KCNH1: variants seen among roughly 807,000 people sequenced by gnomAD.
KCNH1 encodes potassium voltage-gated channel subfamily H member 1.
Under a neutral mutation model 69.2 loss-of-function variants are expected in KCNH1, and 27 were observed. That is an observed-to-expected ratio of 0.39 (90% CI 0.29 to 0.54). The LOEUF (loss-of-function observed/expected upper bound fraction) is 0.54. Among genes scored for constraint, KCNH1 ranks in the 20% least tolerant of loss-of-function variants. The pLI is 0.68. For synonymous variants in KCNH1, 456 were observed against 487.7 expected, an observed-to-expected ratio of 0.93 and a Z score of 0.86; for missense variants, 798 against 1,261.6, an observed-to-expected ratio of 0.63 and a Z score of 5.57.
intron 6 of KCNH1, among the ~76,000 whole-genome samples, chr1:210,997,082 G>A (rs909017566): frequency 2.6e-5 from 4 of 152,164 alleles, no homozygotes; most frequent in Admixed American, 2.6e-4. Context: ...CAGAAAAACT[G>A]GAAACTCTAA....
intron 7 of KCNH1, among the ~76,000 whole-genome samples, chr1:210,884,448 T>C (rs1686561057): frequency 6.6e-6 from 1 of 152,210 alleles, no homozygotes; most frequent in Non-Finnish European, 1.5e-5. Context: ...TTCAGCTCTA[T>C]TTTATAGAGG....
chr1:211,052,628 T>G (rs74156880), intron 5 of KCNH1, among the ~76,000 whole-genome samples: 6 of 152,210 alleles, frequency 3.9e-5, no homozygotes, highest in Admixed American at 3.9e-4. Context: ...ATTTTAGAGA[T>G]TGGCAAACAA....
Position 211,107,203 on chromosome 1 carries a change from C to T in KCNH1, c.203+51G>A, listed in dbSNP as rs777050826. On this transcript the variant is annotated intron_variant, in intron 2 of 10. Coordinates refer to ENST00000271751, the MANE Select transcript of KCNH1 (RefSeq NM_172362.3). ...AATGCAGTAAACCATTTTCTTTTTC[C>T]AAAAGATACCATAATAGATTGTTCA... is the stretch of plus-strand genomic sequence containing the variant. 1.1e-5 allele frequency: 18 copies of T among 1,598,396 alleles called. No individual in the cohort carries two copies. In the Admixed American group the frequency reaches 3.1e-4, roughly 28 times the overall value.
intron 9 of KCNH1, among the ~76,000 whole-genome samples, chr1:210,781,837 T>C (rs1383812342): frequency 1.3e-5 from 2 of 152,236 alleles, no homozygotes; most frequent in African/African-American, 4.8e-5. Context: ...GTTTCGGGGC[T>C]AGACAAGCTG....
intron 6 of KCNH1, among the ~76,000 whole-genome samples, chr1:210,951,515 G>C (rs1558538126): frequency 6.6e-6 from 1 of 152,158 alleles, no homozygotes; most frequent in Non-Finnish European, 1.5e-5. Flanking sequence ...TCTGCTGGCA[G>C]TTTGTCGGTT....
chr1:210,964,800 A>G (rs1022689446), intron 6 of KCNH1, among the ~76,000 whole-genome samples: 10 of 152,182 alleles, frequency 6.6e-5, no homozygotes, highest in Non-Finnish European at 2.9e-5. Context: ...CACAACAAAA[A>G]AAGAAAATTT....
In KCNH1 at chr1:210,760,431, C is replaced by T. The variant is rs144528450; in HGVS notation, c.2112+14917G>A. Among the ~76,000 whole-genome samples, 505 of 152,238 alleles carry T rather than the reference C, an allele frequency of 3.3e-3. 10 individuals are homozygous for T. The East Asian group carries it at 0.07, about 21-fold the overall frequency. On this transcript the variant is annotated intron_variant, in intron 10 of 10. Coordinates refer to ENST00000271751, the MANE Select transcript of KCNH1 (RefSeq NM_172362.3). ...ATAAGCCAGCCAAGAATTTCATTTC[C>T]TTCCAAAGAAAGCTTCATAAACAAA...
chr1:211,079,659 C>T (rs1244406916), intron 5 of KCNH1, among the ~76,000 whole-genome samples: 1 of 152,172 alleles, frequency 6.6e-6, no homozygotes, highest in African/African-American at 2.4e-5. Context: ...AAGGCTGGTT[C>T]AACATATGCA....
In KCNH1 at chr1:210,718,632, A is replaced by C. The variant is rs886730021; in HGVS notation, c.2113-34494T>G. ...AAATTATATGTATGTGTGTATAAAT[A>C]TATATATACATATATATATACACAC... On this transcript the variant is annotated intron_variant, in intron 10 of 10. Transcript: ENST00000271751. Among the ~76,000 whole-genome samples the C allele has an allele frequency of 2.0e-5, 2 of 99,854 alleles. 1 individual carries two copies. The allele number at this position is 99,854 out of a possible 152,430, so 65.5% of individuals were successfully genotyped here. A position where few individuals can be genotyped will look rare whatever the true frequency, so the allele number is the denominator to read the frequency against.
chr1:211,043,123 C>A (rs12750065), intron 5 of KCNH1, among the ~76,000 whole-genome samples: 1 of 151,812 alleles, frequency 6.6e-6, no homozygotes, highest in African/African-American at 2.4e-5. Flanking sequence ...CAGAACTAAA[C>A]GAAATTGAAA....
rs1336017173 is a variant in KCNH1 at position 210,922,519 on chromosome 1, T to A, written c.1033-2450A>T. Reference sequence around the variant, plus strand: ...CAAGATGCAAAAATAAGAATAGATTTTTGTAGGCCAAGGGCCTACATCTCC... The same window carrying A: ...CAAGATGCAAAAATAAGAATAGATTATTGTAGGCCAAGGGCCTACATCTCC... On this transcript the variant is annotated intron_variant, in intron 6 of 10. Coordinates refer to ENST00000271751, the MANE Select transcript of KCNH1 (RefSeq NM_172362.3). Among the ~76,000 whole-genome samples, 6 of 152,212 alleles carry A rather than the reference T, an allele frequency of 3.9e-5. No individual in the cohort carries two copies. In the East Asian group the frequency reaches 7.7e-4, roughly 20 times the overall value.
rs546107972 is a variant in KCNH1 at position 211,115,781 on chromosome 1, C to A, written c.80-8404G>T. Among the ~76,000 whole-genome samples, 5 of 149,492 alleles carry A rather than the reference C, an allele frequency of 3.3e-5. No homozygotes were observed. In the East Asian group the frequency reaches 9.8e-4, roughly 29 times the overall value. On this transcript the variant is annotated intron_variant, in intron 1 of 10. Coordinates refer to ENST00000271751, the MANE Select transcript of KCNH1 (RefSeq NM_172362.3). ...CTATTAGTCCTGTCCTTCTAGAGAACCCTGACTAATACACTACCCAAAGTG... is the reference window on the plus strand; with the variant it reads ...CTATTAGTCCTGTCCTTCTAGAGAAACCTGACTAATACACTACCCAAAGTG...
intron 7 of KCNH1, among the ~76,000 whole-genome samples, chr1:210,853,962 A>AAAAAAAG (rs1685770918): frequency 6.7e-6 from 1 of 150,342 alleles, no homozygotes; most frequent in Non-Finnish European, 1.5e-5. Context: ...AAAAAAAAAA[A>AAAAAAAG]AAAAAAGAAA....
chr1:210,696,347 A>C (rs1681638877), intron 10 of KCNH1, among the ~76,000 whole-genome samples: 3 of 151,982 alleles, frequency 2.0e-5, no homozygotes, highest in Non-Finnish European at 4.4e-5. Flanking sequence ...TATTTCCATT[A>C]TTTCCATTAT....
At chr1:210,746,988 A>G (rs1383211631) in intron 10 of KCNH1, among the ~76,000 whole-genome samples, 2 of 152,210 alleles carry the variant, frequency 1.3e-5, no homozygotes, top group African/African-American at 4.8e-5. Flanking sequence ...TCTGTCCAGT[A>G]ATATAGTCAG....
rs1681238554 is a variant in KCNH1 at position 210,680,424 on chromosome 1, G to A, written c.*2857C>T. The A allele has an allele frequency of 6.6e-6, 1 of 151,974 alleles. No homozygotes were observed. The highest frequency in any genetic ancestry group is 2.1e-4 in the South Asian group (1 of 4,816). 9.4% of individuals were successfully genotyped at this position (151,974 alleles called of 1,614,324 possible). ...ATCCTGGGCAAATCTGTTCTCTCTT[G>A]GCATACTTTTTCTGAAGTCTAAATG... On this transcript the variant is annotated 3_prime_UTR_variant, in exon 11 of 11. Coordinates refer to ENST00000271751, the MANE Select transcript of KCNH1 (RefSeq NM_172362.3).
intron 6 of KCNH1, among the ~76,000 whole-genome samples, chr1:210,976,553 C>G (rs1240945000): frequency 7.0e-6 from 1 of 142,962 alleles, no homozygotes; most frequent in Non-Finnish European, 1.5e-5. Context: ...GGCGATTCCT[C>G]AGGGATCTAG....
intron 10 of KCNH1, among the ~76,000 whole-genome samples, chr1:210,699,811 A>C (rs1681730615): frequency 6.6e-6 from 1 of 152,210 alleles, no homozygotes; most frequent in Non-Finnish European, 1.5e-5. Context: ...ACTATTATTT[A>C]TTTTATGAAT....
rs933555190 is a variant in KCNH1, at chr1:211,032,444, G to A, written c.559-13188C>T. Among the ~76,000 whole-genome samples the A allele has an allele frequency of 1.6e-4, 25 of 152,240 alleles. 1 individual carries two copies. In the South Asian group the frequency reaches 4.1e-3, roughly 25 times the overall value. The stretch of plus-strand genomic sequence containing the variant: ...TTCATATGGAACCAAAAAAGAGCCG[G>A]CATTGCCAAGTCAATCCTAAGCCAA... On this transcript the variant is annotated intron_variant, in intron 5 of 10. Coordinates refer to ENST00000271751, the MANE Select transcript of KCNH1 (RefSeq NM_172362.3).
Sources: gnomAD v4.1 joint callset for allele counts (sites outside exome capture counted in the v4.1 genomes callset) on GRCh38, gnomAD v4.1.1 for gene constraint, MANE v1.5 for transcripts, NCBI Gene and HGNC (gene_info 2026-07-23, HGNC 2026-07-21) for gene names.